SPON2: variants seen among roughly 807,000 people sequenced by gnomAD.
The protein encoded by SPON2 is spondin 2, also known as spondin-2.
Under a neutral mutation model 29.9 loss-of-function variants are expected in SPON2, and 32 were observed. The observed-to-expected ratio is 1.07, with a 90% CI of 0.81 to 1.44. SPON2 has a LOEUF of 1.44. Ranked by LOEUF, SPON2 falls within the 40% of genes most tolerant of loss-of-function variation. SPON2 has a pLI of 0.00. For synonymous variants in SPON2, 248 were observed against 209.1 expected (o/e 1.19, Z -1.61); for missense variants, 541 against 455.5 (o/e 1.19, Z -1.71).
chr4:1,202,256 C>T lies in SPON2; in HGVS notation c.-234+5624G>A, dbSNP rs1358869279. Among the ~76,000 whole-genome samples, 1 of 152,212 alleles carries T rather than the reference C, an allele frequency of 6.6e-6. No individual in the cohort carries two copies. The highest frequency in any genetic ancestry group is 1.5e-5 in the Non-Finnish European group (1 of 68,034). ...CCTCACCGGCTGGAGGGTGGGTCTGCCCCACAAGCCCTTTTCATGGTGGCT... is the reference window on the plus strand; with the variant it reads ...CCTCACCGGCTGGAGGGTGGGTCTGTCCCACAAGCCCTTTTCATGGTGGCT... On this transcript the variant is annotated intron_variant, in intron 1 of 3. Transcript: ENST00000509233. This position sits in a 1 kb window ranked among gnomAD's most constrained non-coding sequence, Gnocchi z 5.4.
intron 5 of SPON2, among the ~76,000 whole-genome samples, chr4:1,168,862 G>A (rs1033701364): frequency 1.3e-5 from 2 of 152,220 alleles, no homozygotes; most frequent in African/African-American, 4.8e-5. Context: ...CTGGCTTGGC[G>A]TGGACCTGGC....
chr4:1,167,429 C>G lies in SPON2; in HGVS notation c.*43G>C. On this transcript the variant is annotated 3_prime_UTR_variant, in exon 6 of 6. Transcript: ENST00000290902. ...TGAGCCTGCACAGGAGCCCCCGACA[C>G]CCCATGGCTCCGGGGGGCCCCAGGG... 6.3e-7 allele frequency: 1 copy of G among 1,581,224 alleles called. No homozygotes were observed. The highest frequency in any genetic ancestry group is 2.2e-5 in the East Asian group (1 of 44,502).
chr4:1,169,540 G>A (rs1449630944), intron 5 of SPON2, among the ~76,000 whole-genome samples: 2 of 152,152 alleles, frequency 1.3e-5, no homozygotes, highest in African/African-American at 4.8e-5. Context: ...CAGTAAGCTT[G>A]TAATTACTGC....
Position 1,167,355 on chromosome 4 carries a change from G to T in SPON2, c.*117C>A. 9.0e-7 allele frequency: 1 copy of T among 1,114,128 alleles called. No homozygotes were observed. Among genetic ancestry groups the T allele is most frequent in the Non-Finnish European group, 1.3e-6 (1 of 782,748 alleles). 69.0% of individuals were successfully genotyped at this position (1,114,128 alleles called of 1,614,324 possible). On this transcript the variant is annotated 3_prime_UTR_variant, in exon 6 of 6. Transcript: ENST00000290902. Reference sequence around the variant, plus strand: ...CAGAGATGGTCGGCGCGGCCTCACCGCGGTCAGGAGCAGCGCGAAACCCCC... The same window carrying T: ...CAGAGATGGTCGGCGCGGCCTCACCTCGGTCAGGAGCAGCGCGAAACCCCC...
rs1487382475 is a variant in SPON2, at chr4:1,172,428, C to T, written c.-4+116G>A. ...TGCCCCCGGGACTAGACCCTTAAAG[C>T]TCGGTCGCAGCCAGTCCTGGGGGTC... On this transcript the variant is annotated intron_variant, in intron 1 of 5. Coordinates refer to ENST00000290902, the MANE Select transcript of SPON2 (RefSeq NM_012445.4). 1.0e-5 allele frequency: 4 copies of T among 387,670 alleles called. No homozygotes were observed. The East Asian group carries it at 2.4e-4, about 23-fold the overall frequency. 24.0% of individuals were successfully genotyped at this position (387,670 alleles called of 1,614,324 possible). A position where few individuals can be genotyped will look rare whatever the true frequency, so the allele number is the denominator to read the frequency against.
intron 1 of SPON2, among the ~76,000 whole-genome samples, chr4:1,185,290 G>A (rs1315484464): frequency 6.6e-6 from 1 of 151,444 alleles, no homozygotes; most frequent in Admixed American, 6.6e-5. Flanking sequence ...TGGCCAGGCT[G>A]GTCTTGAACT....
chr4:1,196,357 C>T (rs73793109), upstream of SPON2, among the ~76,000 whole-genome samples: 3,110 of 152,344 alleles, frequency 0.02, 105 homozygotes, highest in African/African-American at 0.071. Flanking sequence ...GTCTGCAAGT[C>T]TCTAGAGGTC....
chr4:1,189,845 C>T (rs955906486), intron 1 of SPON2, among the ~76,000 whole-genome samples: 5 of 150,574 alleles, frequency 3.3e-5, no homozygotes, highest in Non-Finnish European at 7.4e-5. Flanking sequence ...AAAAACTAGC[C>T]GGGCATGGTG....
At chr4:1,192,212 G>A (rs917298797) in intron 1 of SPON2, among the ~76,000 whole-genome samples, 32 of 152,210 alleles carry the variant, frequency 2.1e-4, no homozygotes, top group South Asian at 4.1e-4. Context: ...GGCCCCACAT[G>A]CTTTAGCACA....
chr4:1,172,220 G>T (rs1489027046), intron 1 of SPON2, 146 bp from the exon 2 acceptor site: 1 of 707,180 alleles, frequency 1.4e-6, no homozygotes, highest in African/African-American at 1.8e-5. Context: ...CTCTCCTGCG[G>T]TGCTTCCGAG....
At chr4:1,172,225 T>G in intron 1 of SPON2, 151 bp from the exon 2 acceptor site, 1 of 661,214 alleles carries the variant, frequency 1.5e-6, no homozygotes, top group Non-Finnish European at 2.5e-6. Context: ...CTGCGGTGCT[T>G]CCGAGACCCC....
At chr4:1,168,238 C>T (rs1727311338) in intron 5 of SPON2, 1 of 152,290 alleles carries the variant, frequency 6.6e-6, no homozygotes, top group Non-Finnish European at 1.5e-5. Context: ...GAAAACACCT[C>T]TTTTGCACCC....
At chr4:1,207,436 A>G (rs1728369619) in intron 1 of SPON2, among the ~76,000 whole-genome samples, 1 of 152,150 alleles carries the variant, frequency 6.6e-6, no homozygotes, top group Non-Finnish European at 1.5e-5. Context: ...TCCTACAGAC[A>G]CTGCTACCAC....
chr4:1,202,139 A>G lies in SPON2; in HGVS notation c.-234+5741T>C, dbSNP rs1179898455. 6.6e-6 allele frequency among the ~76,000 whole-genome samples: 1 copy of G among 152,162 alleles called. No individual in the cohort carries two copies. Among genetic ancestry groups the G allele is most frequent in the African/African-American group, 2.4e-5 (1 of 41,438 alleles). On this transcript the variant is annotated intron_variant, in intron 1 of 3. Coordinates refer to the SPON2 transcript ENST00000509233. The surrounding 1 kb of genome is among the most constrained non-coding windows in gnomAD (Gnocchi z 5.4). ...TTGAGTGAGGCCACAACAGAACATCAGACAGCAGTTTATCAACAGAGACTT... is the reference window on the plus strand; with the variant it reads ...TTGAGTGAGGCCACAACAGAACATCGGACAGCAGTTTATCAACAGAGACTT...
upstream of SPON2, among the ~76,000 whole-genome samples, chr4:1,177,725 C>G (rs559728105): frequency 6.6e-6 from 1 of 152,148 alleles, no homozygotes; most frequent in Non-Finnish European, 1.5e-5. Flanking sequence ...GGCATGTCAA[C>G]GGCTCTTTCA....
chr4:1,170,882 C>A (rs899107468), intron 4 of SPON2, 117 bp downstream of exon 4: 4 of 1,382,174 alleles, frequency 2.9e-6, no homozygotes, highest in Non-Finnish European at 4.0e-6. Flanking sequence ...GAGCCTCTTC[C>A]ACACAAAAGC....
intron 1 of SPON2, among the ~76,000 whole-genome samples, chr4:1,201,729 C>A (rs1190998378): frequency 6.6e-6 from 1 of 152,100 alleles, no homozygotes; most frequent in South Asian, 2.1e-4. Flanking sequence ...ATTACAGGCG[C>A]CGGTTGCCAC....
At chr4:1,206,242 C>A (rs575941112) in intron 1 of SPON2, among the ~76,000 whole-genome samples, 1 of 152,090 alleles carries the variant, frequency 6.6e-6, no homozygotes, top group African/African-American at 2.4e-5. Context: ...CCCCAGCAGC[C>A]TCTCAGGGCA....
upstream of SPON2, among the ~76,000 whole-genome samples, chr4:1,175,228 G>A (rs1355310117): frequency 6.6e-6 from 1 of 152,248 alleles, no homozygotes; most frequent in Non-Finnish European, 1.5e-5. Flanking sequence ...GAGGAAGGAG[G>A]CGCCGGGTCT....
Sources: gnomAD v4.1 joint callset for allele counts (sites outside exome capture counted in the v4.1 genomes callset) on GRCh38, gnomAD v4.1.1 for gene constraint, Gnocchi (gnomAD v3.1) non-coding constraint, MANE v1.5 for transcripts, NCBI Gene and HGNC (gene_info 2026-07-23, HGNC 2026-07-21) for gene names.